The following MIX23 variants were observed in gnomAD, a reference collection of about 807,000 sequenced individuals.
MIX23 encodes the protein mitochondrial matrix import factor 23.
Under a neutral mutation model 21.6 loss-of-function variants are expected in MIX23, and 13 were observed. The ratio of observed to expected loss-of-function variants is 0.60; its 90% CI spans 0.39 to 0.96. The LOEUF (loss-of-function observed/expected upper bound fraction) is 0.96, where lower values mean the gene tolerates loss of function less well. Among genes scored for constraint, MIX23 ranks in the 40% least tolerant of loss-of-function variants. The probability of loss-of-function intolerance (pLI) is 0.00; values close to 1 mark genes in which losing one functional copy is unlikely to be tolerated. For synonymous variants in MIX23, 59 were observed against 58.0 expected (o/e 1.02, Z -0.08); for missense variants, 144 against 171.2 (o/e 0.84, Z 0.89).
chr3:122,361,499 T>C lies in MIX23; in HGVS notation c.384+1469A>G, dbSNP rs766559378. On this transcript the variant is annotated intron_variant, in intron 4 of 4. Transcript: ENST00000291458. ...GCTGGCCCACTGCACCAGAGCACCA[T>C]GGCTACATTTTCTTCTTTTTAAAAC... Among the ~76,000 whole-genome samples, 3 of 152,198 alleles carry C rather than the reference T, an allele frequency of 2.0e-5. No individual in the cohort carries two copies. The South Asian group carries it at 6.2e-4, about 31-fold the overall frequency.
chr3:122,375,325 G>T (rs1341672494), intron 1 of MIX23, among the ~76,000 whole-genome samples: 2 of 152,188 alleles, frequency 1.3e-5, no homozygotes, highest in Non-Finnish European at 2.9e-5. Context: ...AACTTATGGT[G>T]GGGGAGACTG....
At chr3:122,368,349 A>G (rs2075413150) in intron 2 of MIX23, 27 bp from the exon 3 acceptor site, 2 of 1,537,954 alleles carry the variant, frequency 1.3e-6, no homozygotes, top group South Asian at 1.2e-5. Context: ...ATGAAAGGAG[A>G]AAAAAAAACT....
chr3:122,367,094 A>T (rs2075402719), intron 3 of MIX23, among the ~76,000 whole-genome samples: 1 of 151,986 alleles, frequency 6.6e-6, no homozygotes, highest in Non-Finnish European at 1.5e-5. Flanking sequence ...ATTTATGCAT[A>T]CAGGTGTGTG....
intron 1 of MIX23, among the ~76,000 whole-genome samples, chr3:122,375,149 C>T (rs551389744): frequency 2.0e-5 from 3 of 151,998 alleles, no homozygotes; most frequent in Non-Finnish European, 1.5e-5. Context: ...AACAAACAAA[C>T]AAAAAAACTG....
At chr3:122,362,634 A>G (rs1210621559) in intron 4 of MIX23, among the ~76,000 whole-genome samples, 1 of 151,890 alleles carries the variant, frequency 6.6e-6, no homozygotes, top group Non-Finnish European at 1.5e-5. Context: ...GGCTCATGCC[A>G]CCACGCTAAT....
At position 122,370,508 on chromosome 3, in the gene MIX23, CAAG is replaced by C. The variant is rs547016104; in HGVS notation, c.177+1164_177+1166del. Among the ~76,000 whole-genome samples the C allele has an allele frequency of 6.4e-3, 897 of 140,412 alleles. 8 individuals carry two copies. Among genetic ancestry groups the C allele is most frequent in the Middle Eastern group, 0.02 (5 of 246 alleles). The allele number at this position is 140,412 out of a possible 152,430, so 92.1% of individuals were successfully genotyped here. A position where few individuals can be genotyped will look rare whatever the true frequency, so the allele number is the denominator to read the frequency against. ...TGAGGCAGAGGTTATGTGACATAATCAAGGTTACCCAGCTAGGAGGTAGCAGAT... is the reference window on the plus strand; with the variant it reads ...TGAGGCAGAGGTTATGTGACATAATCGTTACCCAGCTAGGAGGTAGCAGAT... On this transcript the variant is annotated intron_variant, in intron 2 of 4. Transcript: ENST00000291458.
intron 3 of MIX23, among the ~76,000 whole-genome samples, chr3:122,363,244 A>G (rs536915182): frequency 3.9e-5 from 6 of 152,166 alleles, no homozygotes; most frequent in Non-Finnish European, 8.8e-5. Context: ...ACTTTGCTGC[A>G]TATCCTAATC....
chr3:122,375,743 T>C (rs1419172383), intron 1 of MIX23, among the ~76,000 whole-genome samples: 1 of 152,164 alleles, frequency 6.6e-6, no homozygotes, highest in African/African-American at 2.4e-5. Context: ...TTATACACTG[T>C]TGACAGAAAT....
intron 3 of MIX23, chr3:122,365,765 T>C (rs2107677720): frequency 6.6e-6 from 1 of 152,358 alleles, no homozygotes; most frequent in East Asian, 1.9e-4. Context: ...CTGCAAACAG[T>C]GACTTTTCAG....
chr3:122,377,203 C>T (rs1318429931), intron 1 of MIX23, among the ~76,000 whole-genome samples: 1 of 151,900 alleles, frequency 6.6e-6, no homozygotes, highest in Non-Finnish European at 1.5e-5. Flanking sequence ...TGTATATGTA[C>T]CCCCAAATCT....
At chr3:122,371,649 G>C in intron 2 of MIX23, 26 bp downstream of exon 2, 2 of 1,610,592 alleles carry the variant, frequency 1.2e-6, no homozygotes, top group Non-Finnish European at 8.5e-7. Flanking sequence ...CATGAAAGAA[G>C]CAAAAGACTC....
chr3:122,374,519 GGT>G (rs1332795168), intron 1 of MIX23, among the ~76,000 whole-genome samples: 3 of 152,144 alleles, frequency 2.0e-5, no homozygotes, highest in Non-Finnish European at 4.4e-5. Flanking sequence ...TATGTAAATA[GGT>G]GTTAGTTACA....
intron 4 of MIX23, among the ~76,000 whole-genome samples, chr3:122,361,790 T>C (rs1396233958): frequency 6.6e-6 from 1 of 152,152 alleles, no homozygotes; most frequent in Non-Finnish European, 1.5e-5. Flanking sequence ...AGGGCAGGAA[T>C]AGGAAACCTT....
At chr3:122,369,144 A>G (rs1391736568) in intron 2 of MIX23, among the ~76,000 whole-genome samples, 1 of 152,252 alleles carries the variant, frequency 6.6e-6, no homozygotes, top group Admixed American at 6.5e-5. Context: ...TTTCAAGTTC[A>G]TAGACTCTAT....
At chr3:122,362,252 A>G (rs1174892761) in intron 4 of MIX23, among the ~76,000 whole-genome samples, 1 of 152,204 alleles carries the variant, frequency 6.6e-6, no homozygotes, top group Admixed American at 6.5e-5. Flanking sequence ...AAGTTAGAAG[A>G]CAAGCAACCG....
chr3:122,376,135 C>T (rs935567173), intron 1 of MIX23, among the ~76,000 whole-genome samples: 2 of 133,088 alleles, frequency 1.5e-5, no homozygotes, highest in South Asian at 4.9e-4. Flanking sequence ...TGCATTCCAG[C>T]CTGCCTGGGC....
intron 2 of MIX23, among the ~76,000 whole-genome samples, chr3:122,370,329 T>C (rs1286668076): frequency 2.0e-5 from 3 of 151,856 alleles, no homozygotes; most frequent in Non-Finnish European, 2.9e-5. Context: ...TGGTAGCGTG[T>C]GCCTGTAGTC....
intron 2 of MIX23, 81 bp from the exon 3 acceptor site, chr3:122,368,403 A>C: frequency 7.4e-7 from 1 of 1,348,144 alleles, no homozygotes; most frequent in East Asian, 2.5e-5. Flanking sequence ...AAAATCCTTG[A>C]GACTATAGAA....
chr3:122,376,021 G>C (rs956240970), intron 1 of MIX23, among the ~76,000 whole-genome samples: 11 of 151,834 alleles, frequency 7.2e-5, no homozygotes, highest in Admixed American at 6.6e-4. Flanking sequence ...AATTAGACTG[G>C]CATGGTGGCG....
Sources: gnomAD v4.1 joint callset for allele counts (sites outside exome capture counted in the v4.1 genomes callset) on GRCh38, gnomAD v4.1.1 for gene constraint, MANE v1.5 for transcripts, NCBI Gene and HGNC (gene_info 2026-07-23, HGNC 2026-07-21) for gene names.